Variants in DLGAP2 observed in about 807,000 individuals in gnomAD.
The protein encoded by DLGAP2 is DLG associated protein 2, also known as disks large-associated protein 2.
DLGAP2 carries 26 observed loss-of-function variants against 100.3 expected under a neutral mutation model. That is an observed-to-expected ratio of 0.26 (90% confidence interval 0.19 to 0.36). DLGAP2 has a LOEUF of 0.36. Among genes scored for constraint, DLGAP2 ranks in the 10% least tolerant of loss-of-function variants. The pLI, the probability that DLGAP2 is intolerant of heterozygous loss-of-function variation, is 1.00. For synonymous variants in DLGAP2, 886 were observed against 630.1 expected, an observed-to-expected ratio of 1.41 and a Z score of -6.08; for missense variants, 1,858 against 1,453.2, an observed-to-expected ratio of 1.28 and a Z score of -4.53.
chr8:1,648,166 T>C (rs1563279327), intron 8 of DLGAP2, among the ~76,000 whole-genome samples: 1 of 152,222 alleles, frequency 6.6e-6, no homozygotes, highest in East Asian at 1.9e-4. Context: ...ATAAGCTCTT[T>C]AATTCCTTTT....
chr8:1,239,544 C>A (rs1798735963), intron 2 of DLGAP2, among the ~76,000 whole-genome samples: 1 of 116,166 alleles, frequency 8.6e-6, no homozygotes, highest in Admixed American at 9.3e-5. Context: ...CTAGTTCTCT[C>A]ACATGGCGCC....
intron 3 of DLGAP2, among the ~76,000 whole-genome samples, chr8:1,296,448 T>C (rs1051477244): frequency 3.9e-5 from 6 of 152,226 alleles, no homozygotes; most frequent in African/African-American, 7.2e-5. Context: ...GGTGTTATCA[T>C]TGGAGATTTC....
chr8:1,428,460 A>T (rs530331246), intron 3 of DLGAP2, among the ~76,000 whole-genome samples: 1 of 152,154 alleles, frequency 6.6e-6, no homozygotes, highest in Non-Finnish European at 1.5e-5. Flanking sequence ...GCCAGGGAAT[A>T]CAAAAGAGGG....
At chr8:1,389,171 C>T (rs1292176681) in intron 3 of DLGAP2, among the ~76,000 whole-genome samples, 4 of 152,130 alleles carry the variant, frequency 2.6e-5, no homozygotes, top group Admixed American at 1.3e-4. Context: ...TGCAGGGCCT[C>T]TTCATGACGG....
At chr8:1,664,075 C>G (rs925086751) in intron 8 of DLGAP2, among the ~76,000 whole-genome samples, 1 of 152,210 alleles carries the variant, frequency 6.6e-6, no homozygotes, top group African/African-American at 2.4e-5. Flanking sequence ...ACCAAACCCT[C>G]CTCCACCAGG....
chr8:1,668,407 C>G lies in DLGAP2; in HGVS notation c.1889C>G (p.Thr630Arg). 1 of 1,602,544 alleles carries G rather than the reference C, an allele frequency of 6.2e-7. No homozygotes were observed. The highest frequency in any genetic ancestry group is 8.5e-7 in the Non-Finnish European group (1 of 1,174,968). Residue 630 changes from threonine to arginine, a missense_variant, in exon 9 of 15, where the codon ACG becomes AGG. Coordinates refer to ENST00000637795, the MANE Select transcript of DLGAP2 (RefSeq NM_001346810.2). ...RTTSKPLISVTAQSSTESTQD... is the reference protein window; with the variant it reads ...RTTSKPLISVRAQSSTESTQD... ...ACCTCCAAGCCTCTGATCTCGGTGA[C>G]GGCGCAGAGCAGCACCGAATCCACC... is the stretch of plus-strand genomic sequence containing the variant.
At chr8:848,120 C>T (rs1268289656) in intron 1 of DLGAP2, among the ~76,000 whole-genome samples, 2 of 152,164 alleles carry the variant, frequency 1.3e-5, no homozygotes, top group Non-Finnish European at 2.9e-5. Flanking sequence ...GTTTCCTTTT[C>T]CAAAATGTGA....
intron 3 of DLGAP2, among the ~76,000 whole-genome samples, chr8:1,322,444 G>A (rs1012647698): frequency 6.6e-6 from 1 of 151,786 alleles, no homozygotes; most frequent in Non-Finnish European, 1.5e-5. Context: ...CTTCACGCGT[G>A]TGGATCCGTG....
intron 14 of DLGAP2, 69 bp from the exon 15 acceptor site, chr8:1,701,119 C>T (rs980749966): frequency 3.5e-6 from 5 of 1,444,502 alleles, no homozygotes; most frequent in African/African-American, 1.4e-5. Context: ...GCCCCAGGGC[C>T]GCTGAGCTCG....
chr8:1,037,538 A>G (rs1475764364), intron 2 of DLGAP2, among the ~76,000 whole-genome samples: 2 of 151,946 alleles, frequency 1.3e-5, no homozygotes, highest in Non-Finnish European at 2.9e-5. Flanking sequence ...TGTCAGCTGC[A>G]TCATCTGCTG....
intron 3 of DLGAP2, among the ~76,000 whole-genome samples, chr8:1,428,113 G>C (rs1054393294): frequency 1.3e-5 from 2 of 150,992 alleles, no homozygotes; most frequent in Non-Finnish European, 1.5e-5. Context: ...TAAAATAAGA[G>C]AAAGAAAATG....
At chr8:917,229 C>CCCTTCCTTCCTT (rs568944410) in intron 2 of DLGAP2, among the ~76,000 whole-genome samples, 3 of 138,102 alleles carry the variant, frequency 2.2e-5, no homozygotes, top group Non-Finnish European at 1.6e-5. Flanking sequence ...CTCCCTCCCT[C>CCCTTCCTTCCTT]CCTTCCTTCC....
At chr8:855,806 G>A (rs540241328) in intron 1 of DLGAP2, among the ~76,000 whole-genome samples, 19 of 152,220 alleles carry the variant, frequency 1.2e-4, no homozygotes, top group South Asian at 1.0e-3. Flanking sequence ...GAAGTCCTGT[G>A]GTCATATTCA....
At chr8:952,029 C>G (rs902853351) in intron 2 of DLGAP2, among the ~76,000 whole-genome samples, 1 of 152,228 alleles carries the variant, frequency 6.6e-6, no homozygotes, top group African/African-American at 2.4e-5. Context: ...AGTGCCCTCT[C>G]CCAGTGGGTT....
At chr8:1,574,297 G>T (rs867956137) in intron 6 of DLGAP2, among the ~76,000 whole-genome samples, 1 of 152,132 alleles carries the variant, frequency 6.6e-6, no homozygotes, top group African/African-American at 2.4e-5. Context: ...ACTAGGCACA[G>T]CACCGGCAAT....
intron 1 of DLGAP2, among the ~76,000 whole-genome samples, chr8:776,904 T>C (rs1441777282): frequency 6.6e-6 from 1 of 152,166 alleles, no homozygotes; most frequent in Non-Finnish European, 1.5e-5. Flanking sequence ...CTGGGTATCC[T>C]TGTTGACTTT....
intron 3 of DLGAP2, among the ~76,000 whole-genome samples, chr8:1,329,897 C>G (rs1255068094): frequency 6.6e-6 from 1 of 152,240 alleles, no homozygotes; most frequent in East Asian, 1.9e-4. Context: ...GTGCACAACT[C>G]ATTGCTGCAA....
At chr8:1,324,607 G>A (rs920203759) in intron 3 of DLGAP2, among the ~76,000 whole-genome samples, 7 of 152,160 alleles carry the variant, frequency 4.6e-5, no homozygotes, top group African/African-American at 1.7e-4. Context: ...TGCGTGGTTT[G>A]CAATGTAAGG....
intron 6 of DLGAP2, among the ~76,000 whole-genome samples, chr8:1,584,047 A>G (rs1358564960): frequency 2.6e-5 from 4 of 151,972 alleles, no homozygotes; most frequent in Middle Eastern, 3.2e-3. Context: ...TCTCTACCAC[A>G]TGCCTGTTTG....
Sources: gnomAD v4.1 joint callset for allele counts (sites outside exome capture counted in the v4.1 genomes callset) on GRCh38, gnomAD v4.1.1 for gene constraint, MANE v1.5 for transcripts, NCBI Gene and HGNC (gene_info 2026-07-23, HGNC 2026-07-21) for gene names.